Variants in EPHA5 observed in about 807,000 individuals in gnomAD.
The protein encoded by EPHA5 is EPH receptor A5, also known as ephrin type-A receptor 5.
In EPHA5, 60 loss-of-function variants were observed where a neutral mutation model predicts 105.0. The observed-to-expected ratio is 0.57, with a 90% CI of 0.46 to 0.71. The LOEUF (loss-of-function observed/expected upper bound fraction) is 0.71. EPHA5 is among the 30% of genes least tolerant of loss of function. The pLI is 0.00. For missense variants in EPHA5, 1,218 were observed against 1,274.7 expected, an observed-to-expected ratio of 0.96 and a Z score of 0.68; for synonymous variants, 513 against 449.1, an observed-to-expected ratio of 1.14 and a Z score of -1.80.
At chr4:65,611,607 C>T (rs1404306751) in intron 2 of EPHA5, among the ~76,000 whole-genome samples, 4 of 151,060 alleles carry the variant, frequency 2.6e-5, no homozygotes, top group Non-Finnish European at 4.4e-5. Context: ...AAAATATATC[C>T]GAAAATATAA....
At chr4:65,405,862 A>T (rs1722306284) in intron 7 of EPHA5, among the ~76,000 whole-genome samples, 1 of 151,682 alleles carries the variant, frequency 6.6e-6, no homozygotes, top group Non-Finnish European at 1.5e-5. Context: ...TAATCTCTAA[A>T]CTCATATTAT....
At chr4:65,479,306 A>C (rs1730128649) in intron 5 of EPHA5, among the ~76,000 whole-genome samples, 1 of 152,204 alleles carries the variant, frequency 6.6e-6, no homozygotes, top group Admixed American at 6.5e-5. Context: ...CAAATCAAAA[A>C]GCTAGTTAGT....
intron 11 of EPHA5, among the ~76,000 whole-genome samples, chr4:65,361,964 T>A (rs1717372562): frequency 6.6e-6 from 1 of 151,608 alleles, no homozygotes; most frequent in South Asian, 2.1e-4. Context: ...TTCCTTTTTA[T>A]CTTCTTCCCA....
At chr4:65,439,432 A>ACCCC (rs1725801055) in intron 5 of EPHA5, among the ~76,000 whole-genome samples, 1 of 142,598 alleles carries the variant, frequency 7.0e-6, no homozygotes, top group African/African-American at 2.6e-5. Context: ...CTCCACCCCC[A>ACCCC]CACCACCCCC....
intron 1 of EPHA5, among the ~76,000 whole-genome samples, chr4:65,667,955 A>T (rs2149565006): frequency 6.6e-6 from 1 of 152,336 alleles, no homozygotes; most frequent in Middle Eastern, 3.4e-3. Context: ...GACGTCTAAC[A>T]GAATGAATTT....
chr4:65,532,145 T>G (rs1278256445), intron 3 of EPHA5, among the ~76,000 whole-genome samples: 2 of 152,142 alleles, frequency 1.3e-5, no homozygotes, highest in African/African-American at 4.8e-5. Context: ...GCTATCAATT[T>G]TTCTTTAAAA....
intron 5 of EPHA5, among the ~76,000 whole-genome samples, chr4:65,472,991 A>G (rs556639270): frequency 4.7e-4 from 72 of 152,250 alleles, no homozygotes; most frequent in Middle Eastern, 3.4e-3. Context: ...CCTTTTAAAC[A>G]TAAATTCCAG....
chr4:65,627,099 T>A (rs973566042), intron 2 of EPHA5, among the ~76,000 whole-genome samples: 1 of 152,214 alleles, frequency 6.6e-6, no homozygotes, highest in Admixed American at 6.5e-5. Flanking sequence ...TTTCCACACA[T>A]GTATAGAAAA....
At chr4:65,371,736 G>T (rs1033682672) in intron 8 of EPHA5, among the ~76,000 whole-genome samples, 3 of 151,932 alleles carry the variant, frequency 2.0e-5, no homozygotes, top group African/African-American at 7.2e-5. Flanking sequence ...GTAAATCCTT[G>T]CAAAACAATA....
intron 5 of EPHA5, among the ~76,000 whole-genome samples, chr4:65,461,304 G>A (rs1728099782): frequency 6.6e-6 from 1 of 151,862 alleles, no homozygotes; most frequent in Admixed American, 6.6e-5. Context: ...ATACAATCTT[G>A]ATGTTCTTGT....
chr4:65,654,307 A>T (rs1748875782), intron 1 of EPHA5, among the ~76,000 whole-genome samples: 1 of 151,824 alleles, frequency 6.6e-6, no homozygotes, highest in African/African-American at 2.4e-5. Context: ...GTAACCCAAT[A>T]TAGTTCTACA....
intron 3 of EPHA5, among the ~76,000 whole-genome samples, chr4:65,502,841 T>G (rs922428880): frequency 6.6e-6 from 1 of 151,610 alleles, no homozygotes; most frequent in Non-Finnish European, 1.5e-5. Flanking sequence ...TAGTATTAAA[T>G]AGCAAAGGCA....
intron 3 of EPHA5, among the ~76,000 whole-genome samples, chr4:65,600,960 AC>A (rs1743660632): frequency 7.1e-6 from 1 of 140,736 alleles, no homozygotes; most frequent in South Asian, 2.3e-4. Context: ...AAAAATAAAA[AC>A]AGAAAAAAAA....
intron 5 of EPHA5, among the ~76,000 whole-genome samples, chr4:65,461,614 A>G (rs1435374677): frequency 6.6e-6 from 1 of 152,058 alleles, no homozygotes; most frequent in Admixed American, 6.6e-5. Flanking sequence ...GAGGACGTAG[A>G]AAAAGAAAGA....
chr4:65,586,847 T>C (rs1201986788), intron 3 of EPHA5, among the ~76,000 whole-genome samples: 2 of 152,080 alleles, frequency 1.3e-5, no homozygotes, highest in Non-Finnish European at 2.9e-5. Context: ...GGCATGCAGC[T>C]GGGTGAGATA....
intron 14 of EPHA5, among the ~76,000 whole-genome samples, chr4:65,345,762 CT>C (rs1396101803): frequency 6.8e-6 from 1 of 146,592 alleles, no homozygotes; most frequent in Non-Finnish European, 1.5e-5. Context: ...CATGCCTCTT[CT>C]TTTTCTTTTC....
intron 5 of EPHA5, among the ~76,000 whole-genome samples, chr4:65,425,030 T>C (rs1326012308): frequency 2.0e-5 from 3 of 152,100 alleles, no homozygotes; most frequent in African/African-American, 4.8e-5. Flanking sequence ...CAAGTATTGG[T>C]TACTTGTATT....
intron 9 of EPHA5, among the ~76,000 whole-genome samples, chr4:65,366,383 G>T (rs1717910131): frequency 6.6e-6 from 1 of 151,786 alleles, no homozygotes. Flanking sequence ...TGCTTAATTT[G>T]CTGGTTTATT....
intron 3 of EPHA5, among the ~76,000 whole-genome samples, chr4:65,582,065 C>G (rs1741677942): frequency 6.6e-6 from 1 of 151,658 alleles, no homozygotes; most frequent in Admixed American, 6.6e-5. Flanking sequence ...TCCTCCTCCT[C>G]AATCCCTCAG....
Sources: allele counts gnomAD v4.1 joint callset (sites outside exome capture counted in the v4.1 genomes callset), GRCh38; gene constraint gnomAD v4.1.1; transcripts MANE v1.5; gene names NCBI Gene and HGNC (gene_info 2026-07-23, HGNC 2026-07-21).